The following PTPRZ1 variants were observed in gnomAD, a reference collection of about 807,000 sequenced individuals.
PTPRZ1 encodes the protein protein tyrosine phosphatase receptor type Z1.
Under a neutral mutation model 214.1 loss-of-function variants are expected in PTPRZ1, and 82 were observed. That is an observed-to-expected ratio of 0.38 (90% CI 0.32 to 0.46). PTPRZ1 has a LOEUF of 0.46. Among genes scored for constraint, PTPRZ1 ranks in the 20% least tolerant of loss-of-function variants. The pLI is 1.00. For synonymous variants in PTPRZ1, 945 were observed against 987.9 expected, an observed-to-expected ratio of 0.96 and a Z score of 0.81; for missense variants, 2,603 against 2,748.7, an observed-to-expected ratio of 0.95 and a Z score of 1.19.
intron 3 of PTPRZ1, among the ~76,000 whole-genome samples, chr7:121,971,466 G>A (rs1240875461): frequency 6.6e-6 from 1 of 152,046 alleles, no homozygotes; most frequent in Non-Finnish European, 1.5e-5. Flanking sequence ...TTTTTCTTAG[G>A]GGAGAGTGGT....
At position 121,993,043 on chromosome 7, in the gene PTPRZ1, A is replaced by G. The variant is rs184269596; in HGVS notation, c.929-3339A>G. 2.4e-3 allele frequency among the ~76,000 whole-genome samples: 365 copies of G among 152,268 alleles called. 1 individual carries two copies. The highest frequency in any genetic ancestry group is 8.6e-3 in the African/African-American group (356 of 41,560). On this transcript the variant is annotated intron_variant, in intron 8 of 29. Coordinates refer to ENST00000393386, the MANE Select transcript of PTPRZ1 (RefSeq NM_002851.3). ...TAACTATGACCCAGATCACATGTAG[A>G]CATGGAAAGGAATCAGTATGTGAGA... is the stretch of plus-strand genomic sequence containing the variant.
chr7:121,978,231 C>T (rs1441230445), intron 6 of PTPRZ1, among the ~76,000 whole-genome samples: 1 of 152,170 alleles, frequency 6.6e-6, no homozygotes, highest in Admixed American at 6.6e-5. Flanking sequence ...CATTATTCTG[C>T]CTATATTCTG....
At chr7:121,913,807 G>C (rs1342077419) in intron 1 of PTPRZ1, among the ~76,000 whole-genome samples, 1 of 152,020 alleles carries the variant, frequency 6.6e-6, no homozygotes, top group East Asian at 1.9e-4. Flanking sequence ...ATTATTTAAT[G>C]TTCAACCAAA....
intron 1 of PTPRZ1, among the ~76,000 whole-genome samples, chr7:121,904,290 AG>A (rs1795056429): frequency 6.6e-6 from 1 of 152,114 alleles, no homozygotes; most frequent in Non-Finnish European, 1.5e-5. Flanking sequence ...CTGCCAATCA[AG>A]GACACCCCAG....
intron 17 of PTPRZ1, 87 bp downstream of exon 17, chr7:122,034,465 G>T: frequency 8.2e-7 from 1 of 1,215,720 alleles, no homozygotes; most frequent in Non-Finnish European, 1.2e-6. Flanking sequence ...TCTGAGAGCT[G>T]ACCTTAGTGT....
chr7:122,052,401 C>G (rs189048699), intron 25 of PTPRZ1, among the ~76,000 whole-genome samples: 1 of 152,268 alleles, frequency 6.6e-6, no homozygotes, highest in East Asian at 1.9e-4. Context: ...TTTTCTTCTG[C>G]ATTTACATCT....
rs761242544 is a variant in PTPRZ1 at position 122,012,365 on chromosome 7, A to G, written c.3319A>G (p.Thr1107Ala). Reference protein sequence around the residue: ...GMFPGSLAHTTTKVFDHEISQ... With the variant: ...GMFPGSLAHTATKVFDHEISQ... Reference sequence around the variant, plus strand: ...GTTTCCAGGGTCCCTTGCTCATACCACCACTAAGGTTTTTGATCATGAGAT... The same window carrying G: ...GTTTCCAGGGTCCCTTGCTCATACCGCCACTAAGGTTTTTGATCATGAGAT... The change falls in exon 12 of 30, where the codon ACC (threonine) becomes GCC (alanine). Residue 1107 changes from threonine to alanine, a missense_variant. By Grantham distance (58) the Thr-to-Ala change is moderately conservative. Transcript: ENST00000393386. 1 of 1,613,828 alleles carries G rather than the reference A, an allele frequency of 6.2e-7. No homozygotes were observed. The highest frequency in any genetic ancestry group is 8.5e-7 in the Non-Finnish European group (1 of 1,179,816).
Position 122,013,656 on chromosome 7 carries a change from C to A in PTPRZ1, c.4610C>A (p.Ser1537Tyr), listed in dbSNP as rs150792432. ...GSALLPLSPE[S>Y]KAWAVLTSDE... ...GCTCTGCTTCCTCTCAGCCCTGAAT[C>A]TAAAGCATGGGCAGTTCTGACAAGT... Residue 1537 changes from serine (S) to tyrosine (Y), a missense_variant, in exon 12 of 30, where the codon TCT (serine) becomes TAT (tyrosine). Coordinates refer to ENST00000393386, the MANE Select transcript of PTPRZ1 (RefSeq NM_002851.3). 3.7e-6 allele frequency: 6 copies of A among 1,614,072 alleles called. No homozygotes were observed. The African/African-American group carries it at 5.3e-5, about 14-fold the overall frequency.
chr7:122,056,328 TAG>T (rs1186304632), intron 27 of PTPRZ1, among the ~76,000 whole-genome samples: 4 of 151,834 alleles, frequency 2.6e-5, no homozygotes, highest in African/African-American at 9.7e-5. Context: ...GAAAATAAAC[TAG>T]ATAATACAGG....
intron 1 of PTPRZ1, among the ~76,000 whole-genome samples, chr7:121,901,202 A>G (rs762781336): frequency 3.9e-5 from 6 of 152,172 alleles, no homozygotes; most frequent in Non-Finnish European, 4.4e-5. Context: ...AGCCCCTTCC[A>G]TAATTCAAGC....
chr7:121,942,840 C>T (rs928101312), intron 2 of PTPRZ1, among the ~76,000 whole-genome samples: 11 of 152,150 alleles, frequency 7.2e-5, no homozygotes, highest in African/African-American at 2.4e-4. Context: ...GATAGTCACA[C>T]CACTTTCCAA....
At position 122,052,645 on chromosome 7, in the gene PTPRZ1, G is replaced by A. The variant is rs79181949; in HGVS notation, c.6252+706G>A. On this transcript the variant is annotated intron_variant, in intron 25 of 29. Transcript: ENST00000393386. ...AAATGAGCCACTGGGTGATAGGAAT[G>A]GGATCTGAAAGCAGAAGGGGCTAGA... 2.1e-3 allele frequency among the ~76,000 whole-genome samples: 315 copies of A among 152,282 alleles called. 8 individuals are homozygous for A. The East Asian group carries it at 0.046, about 22-fold the overall frequency.
intron 2 of PTPRZ1, among the ~76,000 whole-genome samples, chr7:121,930,024 C>CT (rs35898975): frequency 0.063 from 9,520 of 150,618 alleles, 350 homozygotes; most frequent in Non-Finnish European, 0.09. Context: ...CTTTAATTTG[C>CT]TTTTTTTTTA....
At chr7:122,035,714 C>T (rs1326732709) in intron 17 of PTPRZ1, among the ~76,000 whole-genome samples, 1 of 152,204 alleles carries the variant, frequency 6.6e-6, no homozygotes, top group African/African-American at 2.4e-5. Flanking sequence ...CTGTTACCAT[C>T]ACAGAAGTAT....
chr7:121,958,030 A>G (rs749596677), intron 2 of PTPRZ1, among the ~76,000 whole-genome samples: 8 of 152,014 alleles, frequency 5.3e-5, no homozygotes, highest in Non-Finnish European at 1.2e-4. Flanking sequence ...TCCTCTCAAT[A>G]TATACACATA....
Position 122,012,473 on chromosome 7 carries a change from G to T in PTPRZ1, c.3427G>T (p.Val1143Leu). Residue 1143 changes from valine (V) to leucine (L), a missense_variant, in exon 12 of 30, where the codon GTG becomes TTG. Physicochemically the swap from Val to Leu is conservative, Grantham distance 32 (BLOSUM62 1). Around this residue, in one of 6 missense-constraint regions of PTPRZ1, gnomAD observed 1,913 missense variants for 1,914.3 expected, o/e 1.00. Coordinates refer to ENST00000393386, the MANE Select transcript of PTPRZ1 (RefSeq NM_002851.3). Reference sequence around the variant, plus strand: ...ATCTGGTGACACTTCGCTTAAACCTGTGCTTAGTGCAAACTCAGAGCCAGC... The same window carrying T: ...ATCTGGTGACACTTCGCTTAAACCTTTGCTTAGTGCAAACTCAGAGCCAGC... ...QASGDTSLKP[V>L]LSANSEPASS... 1 of 1,613,876 alleles carries T rather than the reference G, an allele frequency of 6.2e-7. No individual in the cohort carries two copies. The highest frequency in any genetic ancestry group is 8.5e-7 in the Non-Finnish European group (1 of 1,179,844).
intron 6 of PTPRZ1, among the ~76,000 whole-genome samples, chr7:121,978,490 G>C (rs1183661221): frequency 2.6e-5 from 4 of 152,184 alleles, no homozygotes; most frequent in African/African-American, 9.6e-5. Flanking sequence ...GCATGAGAGA[G>C]AGAATGAGAG....
At chr7:121,988,546 C>T (rs1797840229) in intron 8 of PTPRZ1, among the ~76,000 whole-genome samples, 1 of 152,164 alleles carries the variant, frequency 6.6e-6, no homozygotes, top group South Asian at 2.1e-4. Context: ...TGGCACTTTG[C>T]CTTTCTTGCC....
At chr7:121,881,379 T>C (rs1368372072) in intron 1 of PTPRZ1, among the ~76,000 whole-genome samples, 1 of 152,232 alleles carries the variant, frequency 6.6e-6, no homozygotes, top group East Asian at 1.9e-4. Flanking sequence ...CCTGGGAGAC[T>C]TTTAAATCAT....
Sources: gnomAD v4.1 joint callset for allele counts (sites outside exome capture counted in the v4.1 genomes callset) on GRCh38, gnomAD v4.1.1 for gene constraint, gnomAD v4.1.1 regional missense constraint, MANE v1.5 for transcripts, NCBI Gene and HGNC (gene_info 2026-07-23, HGNC 2026-07-21) for gene names.